Variants in NHSL1 observed in about 807,000 individuals in gnomAD.
The protein encoded by NHSL1 is NHS-like protein 1.
NHSL1 carries 48 observed loss-of-function variants against 95.0 expected under a neutral mutation model. The ratio of observed to expected loss-of-function variants is 0.51; its 90% CI spans 0.40 to 0.64. The LOEUF (loss-of-function observed/expected upper bound fraction) is 0.64, where lower values mean the gene tolerates loss of function less well. Ranked by LOEUF, NHSL1 falls within the 30% of genes least tolerant of loss-of-function variation. The probability of loss-of-function intolerance (pLI) is 0.00; values close to 1 mark genes in which losing one functional copy is unlikely to be tolerated. For missense variants in NHSL1, 1,971 were observed against 2,077.7 expected (o/e 0.95, Z 1.00); for synonymous variants, 783 against 833.9 (o/e 0.94, Z 1.05).
At chr6:138,470,655 T>G (rs1778692312) in intron 3 of NHSL1, 1 of 152,192 alleles carries the variant, frequency 6.6e-6, no homozygotes, top group African/African-American at 2.4e-5. Flanking sequence ...AAGTTAAGAT[T>G]TGAAAGTGGC....
chr6:138,543,700 G>GT (rs1782672589), intron 1 of NHSL1, among the ~76,000 whole-genome samples: 1 of 152,180 alleles, frequency 6.6e-6, no homozygotes, highest in South Asian at 2.1e-4. Flanking sequence ...GCATCAACAA[G>GT]TAGCTCTTAC....
intron 2 of NHSL1, among the ~76,000 whole-genome samples, chr6:138,485,874 T>C (rs1209117441): frequency 6.6e-6 from 1 of 152,188 alleles, no homozygotes. Context: ...AAAGTCAACC[T>C]AATTAAATTC....
Position 138,433,626 on chromosome 6 carries a change from T to G in NHSL1, c.719A>C (p.His240Pro). The change falls in exon 6 of 8, where the codon CAC becomes CCC. Residue 240 changes from histidine to proline, a missense_variant. His to Pro is a moderately conservative substitution (Grantham distance 77, BLOSUM62 -2). This residue lies in a region of NHSL1 where 1,602 missense variants were observed against 1,654.5 expected (regional missense o/e 0.97). Coordinates refer to ENST00000343505, the MANE Select transcript of NHSL1 (RefSeq NM_001144060.2). The part of the protein sequence containing the change: ...ADGHSVYTPD[H>P]YSTLGRFNSC... ...ATTGAACCTTCCTAGTGTAGAGTAG[T>G]GATCAGGGGTGTACACTGAGTGGCC... 1 of 1,551,988 alleles carries G rather than the reference T, an allele frequency of 6.4e-7. No homozygotes were observed. The highest frequency in any genetic ancestry group is 8.7e-7 in the Non-Finnish European group (1 of 1,146,988).
At chr6:138,486,432 C>T (rs1297650876) in intron 2 of NHSL1, among the ~76,000 whole-genome samples, 2 of 152,106 alleles carry the variant, frequency 1.3e-5, no homozygotes. Context: ...ACCTAACAAC[C>T]GATTCAATAG....
intron 4 of NHSL1, among the ~76,000 whole-genome samples, chr6:138,443,674 A>G (rs1776675800): frequency 6.6e-6 from 1 of 152,032 alleles, no homozygotes; most frequent in South Asian, 2.1e-4. Context: ...CAAAAATACA[A>G]AAAAAGGTAT....
chr6:138,622,229 G>A (rs775042104), intron 1 of NHSL1, among the ~76,000 whole-genome samples: 6 of 152,166 alleles, frequency 3.9e-5, no homozygotes, highest in Non-Finnish European at 8.8e-5. Flanking sequence ...TTGGCCGGGC[G>A]TGGTGGCTCA....
chr6:138,622,033 G>C (rs749085859), intron 1 of NHSL1, among the ~76,000 whole-genome samples: 1 of 152,178 alleles, frequency 6.6e-6, no homozygotes, highest in Non-Finnish European at 1.5e-5. Context: ...GTGTGTGAAA[G>C]AGACCACCCT....
intron 1 of NHSL1, among the ~76,000 whole-genome samples, chr6:138,663,686 A>G (rs1374742688): frequency 6.6e-6 from 1 of 152,118 alleles, no homozygotes; most frequent in Non-Finnish European, 1.5e-5. Context: ...CCTGGTCAAC[A>G]TGGTGAAACC....
At chr6:138,515,178 T>A (rs1238449368) in intron 1 of NHSL1, among the ~76,000 whole-genome samples, 1 of 152,096 alleles carries the variant, frequency 6.6e-6, no homozygotes, top group Non-Finnish European at 1.5e-5. Flanking sequence ...TTCTAAAATT[T>A]TCTACTTAAT....
chr6:138,650,399 T>C (rs978956156), intron 1 of NHSL1: 31 of 1,421,978 alleles, frequency 2.2e-5, no homozygotes, highest in Non-Finnish European at 3.0e-5. Context: ...GGTCGCCGAC[T>C]AGCAGGAAGG....
intron 1 of NHSL1, among the ~76,000 whole-genome samples, chr6:138,529,382 A>G (rs1206977949): frequency 6.6e-6 from 1 of 152,254 alleles, no homozygotes; most frequent in Non-Finnish European, 1.5e-5. Context: ...TTAATGACGT[A>G]GTAGTTTTCT....
At position 138,674,093 on chromosome 6, in the gene NHSL1, T is replaced by C. The variant is rs1420129675; in HGVS notation, c.96+18383A>G. Among the ~76,000 whole-genome samples, 5 of 152,166 alleles carry C rather than the reference T, an allele frequency of 3.3e-5. No homozygotes were observed. The East Asian group carries it at 5.8e-4, about 18-fold the overall frequency. On this transcript the variant is annotated intron_variant, in intron 1 of 3. Transcript: ENST00000491526. Reference sequence around the variant, plus strand: ...TATTCAAAGCAAGGATAAAACTACATATACATGAAAATAATCATTTCCAGC... The same window carrying C: ...TATTCAAAGCAAGGATAAAACTACACATACATGAAAATAATCATTTCCAGC...
intron 1 of NHSL1, among the ~76,000 whole-genome samples, chr6:138,557,081 CA>C (rs1453371130): frequency 6.6e-6 from 1 of 152,150 alleles, no homozygotes; most frequent in Admixed American, 6.5e-5. Context: ...GTGATTTTTA[CA>C]GGAGTGATTA....
At chr6:138,589,452 C>A (rs1784191600) in intron 1 of NHSL1, among the ~76,000 whole-genome samples, 1 of 152,126 alleles carries the variant, frequency 6.6e-6, no homozygotes, top group African/African-American at 2.4e-5. Flanking sequence ...TACGGCACTG[C>A]CATAACCTGC....
At chr6:138,625,101 T>A (rs1296986879) in intron 1 of NHSL1, among the ~76,000 whole-genome samples, 1 of 152,138 alleles carries the variant, frequency 6.6e-6, no homozygotes, top group Non-Finnish European at 1.5e-5. Flanking sequence ...TTAATTTAAA[T>A]AATTAAATCA....
At chr6:138,526,371 C>G (rs963751694) in intron 1 of NHSL1, among the ~76,000 whole-genome samples, 12 of 152,070 alleles carry the variant, frequency 7.9e-5, no homozygotes, top group African/African-American at 2.9e-4. Context: ...GTCCCAACTA[C>G]TGGGAAGGCT....
At chr6:138,640,719 G>A (rs1784948967) in intron 1 of NHSL1, among the ~76,000 whole-genome samples, 1 of 152,178 alleles carries the variant, frequency 6.6e-6, no homozygotes, top group African/African-American at 2.4e-5. Context: ...TAGTAGCTAA[G>A]TTTTCAGAAA....
At chr6:138,642,179 T>A (rs1193754042) in intron 1 of NHSL1, among the ~76,000 whole-genome samples, 2 of 152,134 alleles carry the variant, frequency 1.3e-5, no homozygotes, top group Non-Finnish European at 2.9e-5. Context: ...ATAGAATACC[T>A]AATTCTACAA....
chr6:138,615,540 G>A (rs1236796274), intron 1 of NHSL1, among the ~76,000 whole-genome samples: 2 of 152,142 alleles, frequency 1.3e-5, no homozygotes, highest in South Asian at 2.1e-4. Context: ...GCACAACCTC[G>A]GCTCACTGCA....
Sources: gnomAD v4.1 joint callset for allele counts (sites outside exome capture counted in the v4.1 genomes callset) on GRCh38, gnomAD v4.1.1 for gene constraint, gnomAD v4.1.1 regional missense constraint, MANE v1.5 for transcripts, NCBI Gene and HGNC (gene_info 2026-07-23, HGNC 2026-07-21) for gene names.